TTC17: variants seen among roughly 807,000 people sequenced by gnomAD.
TTC17 encodes tetratricopeptide repeat domain 17.
TTC17 carries 58 observed loss-of-function variants against 143.8 expected under a neutral mutation model. The observed-to-expected ratio is 0.40, with a 90% CI of 0.33 to 0.50. TTC17 has a LOEUF of 0.50. TTC17 is among the 20% of genes least tolerant of loss of function. The pLI is 0.49. For missense variants in TTC17, 1,273 were observed against 1,392.5 expected (o/e 0.91, Z 1.37); for synonymous variants, 501 against 497.8 (o/e 1.01, Z -0.09).
chr11:43,375,340 T>C (rs17508556), intron 1 of TTC17, among the ~76,000 whole-genome samples: 14,478 of 152,236 alleles, frequency 0.095, 822 homozygotes, highest in Middle Eastern at 0.16. Flanking sequence ...GGGGGACTTA[T>C]GGATATTGGA....
At chr11:43,447,243 T>G (rs1947563545) in intron 18 of TTC17, among the ~76,000 whole-genome samples, 1 of 149,502 alleles carries the variant, frequency 6.7e-6, no homozygotes, top group African/African-American at 2.5e-5. Flanking sequence ...AAAAGAAAAA[T>G]GGAAAAAACT....
chr11:43,401,524 G>T lies in TTC17; in HGVS notation c.1298G>T (p.Arg433Leu). 6.2e-7 allele frequency: 1 copy of T among 1,613,154 alleles called. No individual in the cohort carries two copies. Among genetic ancestry groups the T allele is most frequent in the Non-Finnish European group, 8.5e-7 (1 of 1,179,624 alleles). The change falls in exon 10 of 24, where the codon CGT becomes CTT. Residue 433 changes from arginine to leucine, a missense_variant. Arg to Leu is a moderately radical substitution (Grantham distance 102). Transcript: ENST00000039989. ...TGGGACCAGCCTGTACGCTATCATC[G>T]TGGAGATATCTTTGAAAATGTGGAC... ...CQWDQPVRYH[R>L]GDIFENVDYV...
At chr11:43,432,463 G>A (rs139687402) in intron 16 of TTC17, among the ~76,000 whole-genome samples, 15 of 152,318 alleles carry the variant, frequency 9.8e-5, no homozygotes, top group Non-Finnish European at 1.9e-4. Flanking sequence ...TGAATTAGAT[G>A]CTAAATGCTT....
chr11:43,390,779 A>T (rs1857354907), intron 3 of TTC17, among the ~76,000 whole-genome samples: 1 of 152,176 alleles, frequency 6.6e-6, no homozygotes, highest in Non-Finnish European at 1.5e-5. Context: ...TCAAAAAAGT[A>T]CAAATGAAAA....
At chr11:43,383,312 A>G (rs1332556504) in intron 2 of TTC17, among the ~76,000 whole-genome samples, 2 of 152,194 alleles carry the variant, frequency 1.3e-5, no homozygotes, top group African/African-American at 2.4e-5. Context: ...TGTATGGACT[A>G]TGTTGAACTC....
intron 21 of TTC17, among the ~76,000 whole-genome samples, chr11:43,483,246 T>C (rs1948321136): frequency 6.6e-6 from 1 of 152,138 alleles, no homozygotes; most frequent in Admixed American, 6.5e-5. Context: ...AAGTGTGAAT[T>C]CTACAAACTT....
intron 15 of TTC17, among the ~76,000 whole-genome samples, chr11:43,413,548 A>C (rs914518315): frequency 7.0e-6 from 1 of 143,422 alleles, no homozygotes; most frequent in Non-Finnish European, 1.6e-5. Flanking sequence ...CAAACCATAG[A>C]CAGAGAAGAT....
chr11:43,431,536 T>G (rs866256369), intron 16 of TTC17, among the ~76,000 whole-genome samples: 1 of 152,354 alleles, frequency 6.6e-6, no homozygotes, highest in East Asian at 1.9e-4. Context: ...AGATTCTGAG[T>G]TGGCTATAAC....
intron 9 of TTC17, among the ~76,000 whole-genome samples, chr11:43,400,323 C>T (rs892936739): frequency 1.5e-4 from 23 of 152,142 alleles, no homozygotes; most frequent in African/African-American, 5.6e-4. Flanking sequence ...TGTTCAACAT[C>T]AGTTTTTTTT....
At chr11:43,477,402 A>AG (rs1342667130) in intron 21 of TTC17, among the ~76,000 whole-genome samples, 1 of 152,204 alleles carries the variant, frequency 6.6e-6, no homozygotes, top group Non-Finnish European at 1.5e-5. Flanking sequence ...TTACTGTATT[A>AG]GCTTGTTTTC....
intron 1 of TTC17, among the ~76,000 whole-genome samples, chr11:43,373,225 G>A (rs1856636470): frequency 6.6e-6 from 1 of 152,036 alleles, no homozygotes; most frequent in African/African-American, 2.4e-5. Context: ...AGGATAAAGA[G>A]GGCTGATTTT....
chr11:43,359,020 C>T lies in TTC17; in HGVS notation c.66C>T (p.Leu22=). 4.4e-6 allele frequency: 7 copies of T among 1,591,556 alleles called. No homozygotes were observed. The highest frequency in any genetic ancestry group is 1.1e-5 in the South Asian group (1 of 88,350). The change falls in exon 1 of 24, where the codon CTC becomes CTT. Residue 22 remains leucine, a synonymous_variant. Transcript: ENST00000039989. Reference sequence around the variant, plus strand: ...CGCCTTGCTCCGGCCCAGGCTGGCTCCTCAGCCTTTCCGCCTTGCTGAGTG... The same window carrying T: ...CGCCTTGCTCCGGCCCAGGCTGGCTTCTCAGCCTTTCCGCCTTGCTGAGTG... ...ELPPCSGPGW[L]LSLSALLSVA... is the part of the protein sequence containing the mutation.
At chr11:43,433,654 A>C (rs1590411023) in intron 16 of TTC17, among the ~76,000 whole-genome samples, 1 of 152,186 alleles carries the variant, frequency 6.6e-6, no homozygotes, top group African/African-American at 2.4e-5. Context: ...GTATTGCATA[A>C]GTTTAAAAAG....
chr11:43,458,707 A>G (rs1947808906), intron 21 of TTC17, among the ~76,000 whole-genome samples: 14 of 152,154 alleles, frequency 9.2e-5, no homozygotes, highest in Admixed American at 9.2e-4. Context: ...TGTGTACAGT[A>G]GTTCCCCCTC....
intron 21 of TTC17, among the ~76,000 whole-genome samples, chr11:43,478,588 C>T (rs1026817600): frequency 1.3e-5 from 2 of 151,962 alleles, no homozygotes; most frequent in South Asian, 2.1e-4. Flanking sequence ...CATGAGGGTT[C>T]ATTATATTGT....
rs560892297 is a variant in TTC17 at position 43,372,202 on chromosome 11, A to G, written c.160-7031A>G. Among the ~76,000 whole-genome samples, 188 of 152,284 alleles carry G rather than the reference A, an allele frequency of 1.2e-3. 1 individual carries two copies. The highest frequency in any genetic ancestry group is 8.2e-3 in the Admixed American group (126 of 15,298). On this transcript the variant is annotated intron_variant, in intron 1 of 23. Coordinates refer to ENST00000039989, the MANE Select transcript of TTC17 (RefSeq NM_018259.6). Reference sequence around the variant, plus strand: ...ACTGTTCTGGAGAAAAGCTAGCAAAAACTGTAAATTTACAAATGCAAAAAA... The same window carrying G: ...ACTGTTCTGGAGAAAAGCTAGCAAAGACTGTAAATTTACAAATGCAAAAAA...
At chr11:43,432,733 A>G (rs561231455) in intron 16 of TTC17, among the ~76,000 whole-genome samples, 8 of 152,306 alleles carry the variant, frequency 5.3e-5, no homozygotes, top group Non-Finnish European at 1.0e-4. Flanking sequence ...TCATGAGAAC[A>G]TCATTCCGAC....
At chr11:43,480,885 T>A (rs1438824884) in intron 21 of TTC17, among the ~76,000 whole-genome samples, 13 of 116,060 alleles carry the variant, frequency 1.1e-4, no homozygotes, top group South Asian at 2.6e-4. Flanking sequence ...TACAAGAAAA[T>A]GCAAAAAAAA....
Position 43,359,038 on chromosome 11 carries a change from G to T in TTC17, c.84G>T (p.Leu28Phe). 6.3e-7 allele frequency: 1 copy of T among 1,591,698 alleles called. No homozygotes were observed. The highest frequency in any genetic ancestry group is 1.1e-5 in the South Asian group (1 of 88,296). ...GCTGGCTCCTCAGCCTTTCCGCCTT[G>T]CTGAGTGTGGCGGCACGAGGGGCCT... ...GPGWLLSLSA[L>F]LSVAARGAFA... Residue 28 changes from leucine to phenylalanine, a missense_variant, in exon 1 of 24, where the codon TTG becomes TTT. By Grantham distance (22) the Leu-to-Phe change is conservative. Transcript: ENST00000039989.
Sources: gnomAD v4.1 joint callset for allele counts (sites outside exome capture counted in the v4.1 genomes callset) on GRCh38, gnomAD v4.1.1 for gene constraint, MANE v1.5 for transcripts, NCBI Gene and HGNC (gene_info 2026-07-23, HGNC 2026-07-21) for gene names.